Variants in MACROD1 observed in about 807,000 individuals in gnomAD.
The protein encoded by MACROD1 is mono-ADP ribosylhydrolase 1, also known as ADP-ribose glycohydrolase MACROD1.
In MACROD1, 31 loss-of-function variants were observed where a neutral mutation model predicts 41.4. The ratio of observed to expected loss-of-function variants is 0.75; its 90% CI spans 0.56 to 1.01. The LOEUF (loss-of-function observed/expected upper bound fraction) is 1.01, where lower values mean the gene tolerates loss of function less well. Ranked by LOEUF, MACROD1 falls within the 50% of genes least tolerant of loss-of-function variation. MACROD1 has a pLI of 0.00. For synonymous variants in MACROD1, 252 were observed against 203.4 expected, an observed-to-expected ratio of 1.24 and a Z score of -2.03; for missense variants, 473 against 460.0, an observed-to-expected ratio of 1.03 and a Z score of -0.26.
intron 3 of MACROD1, among the ~76,000 whole-genome samples, chr11:64,069,110 G>C (rs1944058598): frequency 6.6e-6 from 1 of 152,222 alleles, no homozygotes. Flanking sequence ...CCAGTTAGGG[G>C]TGTGAGGGTG....
intron 3 of MACROD1, among the ~76,000 whole-genome samples, chr11:64,059,418 G>A (rs1943854064): frequency 6.6e-6 from 1 of 152,168 alleles, no homozygotes; most frequent in Non-Finnish European, 1.5e-5. Flanking sequence ...GGGAAGAGAT[G>A]TCCCCCCAGG....
At chr11:64,011,923 G>T (rs1943021691) in intron 4 of MACROD1, among the ~76,000 whole-genome samples, 1 of 151,964 alleles carries the variant, frequency 6.6e-6, no homozygotes, top group African/African-American at 2.4e-5. Context: ...GGGGTATAGG[G>T]GAGGGCAGAG....
At chr11:64,032,628 C>T (rs540840664) in intron 3 of MACROD1, among the ~76,000 whole-genome samples, 2 of 152,250 alleles carry the variant, frequency 1.3e-5, no homozygotes, top group South Asian at 4.1e-4. Flanking sequence ...GTGACTTGAG[C>T]TGCCCTTGCG....
At chr11:64,081,843 A>C (rs1944309795) in intron 3 of MACROD1, 1 of 151,992 alleles carries the variant, frequency 6.6e-6, no homozygotes, top group Non-Finnish European at 1.5e-5. Flanking sequence ...ATTCACAGAC[A>C]TGAAGACTGA....
intron 3 of MACROD1, among the ~76,000 whole-genome samples, chr11:64,041,220 A>T (rs974227381): frequency 3.4e-5 from 5 of 149,098 alleles, no homozygotes; most frequent in Admixed American, 6.6e-5. Flanking sequence ...AAAAAAAAAA[A>T]AAAAAAAAAG....
chr11:64,123,484 T>C (rs552621877), intron 3 of MACROD1, among the ~76,000 whole-genome samples: 1 of 139,170 alleles, frequency 7.2e-6, no homozygotes, highest in East Asian at 2.3e-4. Context: ...TTTATGAACC[T>C]GCCCCAAGTG....
chr11:64,000,190 T>A (rs1942796979), intron 5 of MACROD1, 37 bp downstream of exon 5: 1 of 1,544,110 alleles, frequency 6.5e-7, no homozygotes, highest in East Asian at 2.3e-5. Context: ...GGGCGCCCTG[T>A]CTGCGCCCCA....
intron 3 of MACROD1, among the ~76,000 whole-genome samples, chr11:64,095,571 A>C (rs889685305): frequency 4.6e-5 from 7 of 152,152 alleles, no homozygotes; most frequent in African/African-American, 1.7e-4. Context: ...GTGGGAGGGA[A>C]GTAGAGAACT....
intron 3 of MACROD1, among the ~76,000 whole-genome samples, chr11:64,112,765 G>C (rs1944885542): frequency 6.6e-6 from 1 of 152,218 alleles, no homozygotes; most frequent in Non-Finnish European, 1.5e-5. Flanking sequence ...CAGTCAGTGA[G>C]AGGGGAATGG....
chr11:64,139,912 C>T (rs1049014292), intron 3 of MACROD1, among the ~76,000 whole-genome samples: 10 of 150,362 alleles, frequency 6.7e-5, no homozygotes, highest in African/African-American at 1.5e-4. Context: ...GCCGAGATCA[C>T]GCCACTGCAC....
intron 3 of MACROD1, among the ~76,000 whole-genome samples, chr11:64,104,692 C>G (rs1325243421): frequency 1.3e-5 from 2 of 152,214 alleles, no homozygotes; most frequent in African/African-American, 4.8e-5. Flanking sequence ...TGATCCAAAG[C>G]TACTGCCCAA....
At chr11:64,040,420 C>T (rs533751070) in intron 3 of MACROD1, among the ~76,000 whole-genome samples, 6 of 152,226 alleles carry the variant, frequency 3.9e-5, no homozygotes, top group Non-Finnish European at 7.4e-5. Context: ...GGGCTCAAGG[C>T]ACCCGGCCAG....
intron 3 of MACROD1, chr11:64,138,478 C>T (rs1230009069): frequency 3.2e-5 from 31 of 982,556 alleles, no homozygotes; most frequent in South Asian, 1.9e-4. Flanking sequence ...TTCTCCTCAA[C>T]GTCCTCAGCA....
intron 3 of MACROD1, among the ~76,000 whole-genome samples, chr11:64,129,526 TG>T (rs775191765): frequency 4.6e-5 from 7 of 152,146 alleles, no homozygotes; most frequent in Non-Finnish European, 8.8e-5. Context: ...CACAGCCTCC[TG>T]GGGGGTTTCT....
intron 3 of MACROD1, among the ~76,000 whole-genome samples, chr11:64,059,294 G>A (rs866309696): frequency 6.6e-6 from 1 of 152,164 alleles, no homozygotes; most frequent in South Asian, 2.1e-4. Flanking sequence ...AGGGTCTTGC[G>A]GGTCCTGGCT....
Position 64,036,427 on chromosome 11 carries a change from C to G in MACROD1, c.518-21146G>C, listed in dbSNP as rs929440443. Reference sequence around the variant, plus strand: ...TGCGCGGCCGGCGGCTCAGCTCTCCCGAGCCGAGGCTGGAAAGGGCGGGGG... The same window carrying G: ...TGCGCGGCCGGCGGCTCAGCTCTCCGGAGCCGAGGCTGGAAAGGGCGGGGG... On this transcript the variant is annotated intron_variant, in intron 3 of 10. Transcript: ENST00000255681. This position sits in a 1 kb window ranked among gnomAD's most constrained non-coding sequence, Gnocchi z 5.6. Among the ~76,000 whole-genome samples, 12 of 152,274 alleles carry G rather than the reference C, an allele frequency of 7.9e-5. No individual in the cohort carries two copies. The highest frequency in any genetic ancestry group is 2.4e-4 in the African/African-American group (10 of 41,572).
At chr11:64,148,122 G>T (rs1026152812) in intron 3 of MACROD1, among the ~76,000 whole-genome samples, 1 of 151,960 alleles carries the variant, frequency 6.6e-6, no homozygotes, top group African/African-American at 2.4e-5. Flanking sequence ...GGCGGGCAGG[G>T]GGACACCTGG....
At chr11:64,159,856 A>T (rs1945727907) in intron 1 of MACROD1, among the ~76,000 whole-genome samples, 1 of 152,218 alleles carries the variant, frequency 6.6e-6, no homozygotes, top group Admixed American at 6.5e-5. Context: ...CTGGCTAGTA[A>T]AATCAGACAC....
At position 64,146,413 on chromosome 11, in the gene MACROD1, T is replaced by C. The variant is rs1357358191; in HGVS notation, c.517+4826A>G. On this transcript the variant is annotated intron_variant, in intron 3 of 10. Transcript: ENST00000255681. The surrounding 1 kb of genome is among the most constrained non-coding windows in gnomAD (Gnocchi z 4.7). Reference sequence around the variant, plus strand: ...TTATCTCCTGCACATGGCAGCCCAATTTCATTAAGACGGATGCGCCATGCT... The same window carrying C: ...TTATCTCCTGCACATGGCAGCCCAACTTCATTAAGACGGATGCGCCATGCT... Among the ~76,000 whole-genome samples, 1 of 152,056 alleles carries C rather than the reference T, an allele frequency of 6.6e-6. No homozygotes were observed. Among genetic ancestry groups the C allele is most frequent in the Non-Finnish European group, 1.5e-5 (1 of 67,996 alleles).
Sources: allele counts gnomAD v4.1 joint callset (sites outside exome capture counted in the v4.1 genomes callset), GRCh38; gene constraint gnomAD v4.1.1; non-coding constraint Gnocchi (gnomAD v3.1); transcripts MANE v1.5; gene names NCBI Gene and HGNC (gene_info 2026-07-23, HGNC 2026-07-21).